GFI1B: variants seen among roughly 807,000 people sequenced by gnomAD.
GFI1B encodes the protein growth factor independent 1B transcriptional repressor.
Under a neutral mutation model 35.3 loss-of-function variants are expected in GFI1B, and 20 were observed. The ratio of observed to expected loss-of-function variants is 0.57; its 90% confidence interval spans 0.40 to 0.82. GFI1B has a LOEUF of 0.82. Among genes scored for constraint, GFI1B ranks in the 40% least tolerant of loss-of-function variants. The probability of loss-of-function intolerance (pLI) is 0.00; values close to 1 mark genes in which losing one functional copy is unlikely to be tolerated. For synonymous variants in GFI1B, 178 were observed against 177.6 expected (o/e 1.00, Z -0.02); for missense variants, 430 against 446.3 (o/e 0.96, Z 0.33).
chr9:132,971,683 G>A (rs767073441), intron 1 of GFI1B, among the ~76,000 whole-genome samples: 8 of 152,054 alleles, frequency 5.3e-5, no homozygotes, highest in Non-Finnish European at 8.8e-5. Context: ...CTTCAAAAAC[G>A]TTACTGTTGG....
rs72759461 is a variant in GFI1B, at chr9:132,985,510, C to G, written c.-20-1149C>G. ...TCCTCTCAGGTCTTGAGTCCCCACA[C>G]CCCACTCCTCAGAGAGAGAAAGCCC... On this transcript the variant is annotated intron_variant, in intron 1 of 6. Coordinates refer to ENST00000372122, the MANE Select transcript of GFI1B (RefSeq NM_001377304.1). Among the ~76,000 whole-genome samples the G allele has an allele frequency of 8.8e-3, 1,340 of 152,254 alleles. 12 individuals are homozygous for G. The highest frequency in any genetic ancestry group is 0.014 in the Admixed American group (209 of 15,302).
At position 132,990,986 on chromosome 9, in the gene GFI1B, C is replaced by A; in HGVS notation, c.929C>A (p.Thr310Asn). 1 of 1,614,190 alleles carries A rather than the reference C, an allele frequency of 6.2e-7. No individual in the cohort carries two copies. Among genetic ancestry groups the A allele is most frequent in the Non-Finnish European group, 8.5e-7 (1 of 1,179,998 alleles). The change falls in exon 7 of 7, where the codon ACC becomes AAC. Residue 310 changes from threonine to asparagine, a missense_variant. Transcript: ENST00000372122. Reference sequence around the variant, plus strand: ...AAGCCCTTCAGCTGTGAGCTGTGCACCAAAGGCTTCCAGCGCAAGGTGGAC... The same window carrying A: ...AAGCCCTTCAGCTGTGAGCTGTGCAACAAAGGCTTCCAGCGCAAGGTGGAC... ...GFKPFSCELC[T>N]KGFQRKVDLR...
rs150823998 is a variant in GFI1B, at chr9:132,984,073, T to G, written c.-20-2586T>G. ...CAGCTCCTCTTCTATCACAGAAGCC[T>G]TGGCGAGTACCTTTGGTTCTAGTTG... On this transcript the variant is annotated intron_variant, in intron 1 of 6. Transcript: ENST00000372122. 2.3e-3 allele frequency among the ~76,000 whole-genome samples: 347 copies of G among 152,374 alleles called. 13 individuals carry two copies. The East Asian group carries it at 0.049, about 22-fold the overall frequency.
intron 1 of GFI1B, among the ~76,000 whole-genome samples, chr9:132,969,919 A>G (rs74888813): frequency 0.015 from 2,264 of 152,266 alleles, 51 homozygotes; most frequent in African/African-American, 0.052. Context: ...TTCATGAAAC[A>G]GTTAAAATCT....
At chr9:132,986,137 T>C (rs564655524) in intron 1 of GFI1B, among the ~76,000 whole-genome samples, 2 of 152,206 alleles carry the variant, frequency 1.3e-5, no homozygotes, top group Non-Finnish European at 2.9e-5. Context: ...TATTCTTTCA[T>C]GGTTCTGGGA....
intron 1 of GFI1B, among the ~76,000 whole-genome samples, chr9:132,965,433 TG>T (rs1848436534): frequency 6.6e-6 from 1 of 152,234 alleles, no homozygotes; most frequent in African/African-American, 2.4e-5. Flanking sequence ...GGTTGAATAG[TG>T]GCCCCCTAAA....
At chr9:132,969,325 C>T (rs1848498538) in intron 1 of GFI1B, among the ~76,000 whole-genome samples, 1 of 152,224 alleles carries the variant, frequency 6.6e-6, no homozygotes, top group Non-Finnish European at 1.5e-5. Flanking sequence ...GCCACTGTGC[C>T]CGGCCTGTCC....
chr9:132,955,219 T>G (rs183671969), intron 1 of GFI1B, among the ~76,000 whole-genome samples: 33 of 152,326 alleles, frequency 2.2e-4, no homozygotes, highest in African/African-American at 7.7e-4. Flanking sequence ...TGAAAGAGTA[T>G]TTTACCCTCA....
At chr9:132,965,751 C>T (rs1378812003) in intron 1 of GFI1B, among the ~76,000 whole-genome samples, 1 of 152,160 alleles carries the variant, frequency 6.6e-6, no homozygotes, top group East Asian at 1.9e-4. Flanking sequence ...CTCGGAGACT[C>T]CAGAAGGAAC....
chr9:132,990,073 A>G lies in GFI1B; in HGVS notation c.814+166A>G, dbSNP rs555222954. On this transcript the variant is annotated intron_variant, in intron 6 of 6. Transcript: ENST00000372122. ...CACCTGTGCTACTTAAGTGCACTTA[A>G]TGCATGGAAAAAAATACAGGGAGGA... 3.3e-5 allele frequency among the ~76,000 whole-genome samples: 5 copies of G among 152,364 alleles called. No homozygotes were observed. In the South Asian group the frequency reaches 1.0e-3, roughly 32 times the overall value.
At chr9:132,986,885 C>A in intron 2 of GFI1B, 107 bp downstream of exon 2, 1 of 728,310 alleles carries the variant, frequency 1.4e-6, no homozygotes, top group Non-Finnish European at 2.4e-6. Flanking sequence ...TCTTCCAAGT[C>A]TGGAAACAGG....
At position 132,989,483 on chromosome 9, in the gene GFI1B, T is replaced by G. The variant is rs1018217779; in HGVS notation, c.649-259T>G. On this transcript the variant is annotated intron_variant, in intron 5 of 6. Transcript: ENST00000372122. This position sits in a 1 kb window ranked among gnomAD's most constrained non-coding sequence, Gnocchi z 6.2. ...GTGAACCCCTAAAGAACCTCTGAGA[T>G]CAGTCAGTCCATCAGTCAATCAACG... Among the ~76,000 whole-genome samples the G allele has an allele frequency of 6.6e-6, 1 of 152,220 alleles. No homozygotes were observed. Among genetic ancestry groups the G allele is most frequent in the African/African-American group, 2.4e-5 (1 of 41,446 alleles).
rs540834668 is a variant in GFI1B at position 132,982,044 on chromosome 9, C to A, written c.-21+3203C>A. On this transcript the variant is annotated intron_variant, in intron 1 of 6. Transcript: ENST00000372122. ...CTGGGATTACAGGCGTGAGCCACCA[C>A]GCCCGGCCTCCCTTGAGTCTTTAAA... Among the ~76,000 whole-genome samples the A allele has an allele frequency of 2.0e-5, 3 of 152,326 alleles. No individual in the cohort carries two copies. The East Asian group carries it at 5.8e-4, about 29-fold the overall frequency.
chr9:132,961,128 CAAG>C (rs1319239373), intron 1 of GFI1B, among the ~76,000 whole-genome samples: 1 of 152,060 alleles, frequency 6.6e-6, no homozygotes, highest in Non-Finnish European at 1.5e-5. Context: ...CATACGAGTG[CAAG>C]AAGAAAACAT....
At chr9:132,947,490 T>A (rs1588400579) in intron 1 of GFI1B, among the ~76,000 whole-genome samples, 1 of 148,358 alleles carries the variant, frequency 6.7e-6, no homozygotes, top group Non-Finnish European at 1.5e-5. Context: ...TCAGAGAGAC[T>A]CCCGGGGTCA....
At position 132,957,749 on chromosome 9, in the gene GFI1B, G is replaced by T. The variant is rs1378879691; in HGVS notation, c.-701+12080G>T. Among the ~76,000 whole-genome samples, 6 of 152,134 alleles carry T rather than the reference G, an allele frequency of 3.9e-5. No homozygotes were observed. In the East Asian group the frequency reaches 1.2e-3, roughly 29 times the overall value. On this transcript the variant is annotated intron_variant, in intron 1 of 10. Transcript: ENST00000339463. ...AGCCAGGAAAAGAGAGAGAAAGTTA[G>T]AAAGCAGGAACACGTGTAATAATAA... is the stretch of plus-strand genomic sequence containing the variant.
chr9:132,967,752 G>A (rs973843545), intron 1 of GFI1B, among the ~76,000 whole-genome samples: 1 of 151,002 alleles, frequency 6.6e-6, no homozygotes, highest in African/African-American at 2.4e-5. Flanking sequence ...ATATATACAC[G>A]TGTGTGTGTG....
chr9:132,973,591 C>T (rs949101871), intron 2 of GFI1B, among the ~76,000 whole-genome samples: 1 of 152,124 alleles, frequency 6.6e-6, no homozygotes, highest in African/African-American at 2.4e-5. Context: ...CAGATGACTC[C>T]CTGGATTGTG....
chr9:132,964,743 C>CT (rs71376675), intron 1 of GFI1B, among the ~76,000 whole-genome samples: 4,953 of 107,646 alleles, frequency 0.046, 374 homozygotes, highest in Non-Finnish European at 0.055. Flanking sequence ...ATTTTTCTTC[C>CT]TTTTTTTTTT....
Sources: allele counts gnomAD v4.1 joint callset (sites outside exome capture counted in the v4.1 genomes callset), GRCh38; gene constraint gnomAD v4.1.1; non-coding constraint Gnocchi (gnomAD v3.1); transcripts MANE v1.5; gene names NCBI Gene and HGNC (gene_info 2026-07-23, HGNC 2026-07-21).